The following NEMF variants were observed in gnomAD, a reference collection of about 807,000 sequenced individuals.
The protein encoded by NEMF is ribosome quality control complex subunit NEMF.
NEMF carries 89 observed loss-of-function variants against 162.2 expected under a neutral mutation model. The observed-to-expected ratio is 0.55, with a 90% CI of 0.46 to 0.65. The LOEUF (loss-of-function observed/expected upper bound fraction) is 0.65. Ranked by LOEUF, NEMF falls within the 30% of genes least tolerant of loss-of-function variation. The pLI, the probability that NEMF is intolerant of heterozygous loss-of-function variation, is 0.00. For missense variants in NEMF, 1,133 were observed against 1,261.9 expected (o/e 0.90, Z 1.55); for synonymous variants, 421 against 404.5 (o/e 1.04, Z -0.49).
chr14:49,801,655 GTAGTT>G, intron 22 of NEMF: 1 of 152,084 alleles, frequency 6.6e-6, no homozygotes, highest in East Asian at 1.9e-4. Context: ...AACTACAAAA[GTAGTT>G]TAGTGGGAAT....
At chr14:49,850,764 A>G (rs964780056) in intron 3 of NEMF, among the ~76,000 whole-genome samples, 6 of 152,070 alleles carry the variant, frequency 3.9e-5, no homozygotes, top group Non-Finnish European at 7.4e-5. Context: ...CACAAAAGTG[A>G]GCTCTGGAAG....
At chr14:49,785,168 G>C in intron 30 of NEMF, 33 bp from the exon 31 acceptor site, 2 of 1,597,610 alleles carry the variant, frequency 1.3e-6, no homozygotes, top group Non-Finnish European at 1.7e-6. Context: ...TTACTAAATA[G>C]ACGTTACAAA....
At chr14:49,845,575 ATACT>A (rs1365119762) in intron 4 of NEMF, among the ~76,000 whole-genome samples, 3 of 152,194 alleles carry the variant, frequency 2.0e-5, no homozygotes, top group Non-Finnish European at 4.4e-5. Flanking sequence ...CAGCTGTACA[ATACT>A]TTCTTTCTTT....
chr14:49,799,556 T>A (rs764314202), intron 24 of NEMF, 32 bp from the exon 25 acceptor site: 1 of 1,602,546 alleles, frequency 6.2e-7, no homozygotes, highest in Non-Finnish European at 8.5e-7. Context: ...CAAATGCAAA[T>A]ATCACTATTA....
At chr14:49,826,321 C>A (rs1892342203) in intron 15 of NEMF, among the ~76,000 whole-genome samples, 1 of 151,998 alleles carries the variant, frequency 6.6e-6, no homozygotes. Flanking sequence ...CCCACTCCCA[C>A]CCCACTAGGT....
At position 49,785,204 on chromosome 14, in the gene NEMF, A is replaced by T. The variant is rs1216086894; in HGVS notation, c.3029+16T>A. ...ACAATTCACAAAAGCCATTCTGTCA[A>T]CTAATGGTAACTTACTTGTAGTTTG... On this transcript the variant is annotated intron_variant, in intron 30 of 32. Transcript: ENST00000298310. 1 of 1,607,622 alleles carries T rather than the reference A, an allele frequency of 6.2e-7. No homozygotes were observed. The highest frequency in any genetic ancestry group is 2.2e-5 in the East Asian group (1 of 44,824).
intron 29 of NEMF, 92 bp downstream of exon 29, chr14:49,786,626 G>T: frequency 7.9e-7 from 1 of 1,269,088 alleles, no homozygotes; most frequent in Non-Finnish European, 1.1e-6. Context: ...CTTGTCTTAG[G>T]TTTCTAAGTT....
In NEMF at chr14:49,851,661, C is replaced by G. The variant is rs1893782600; in HGVS notation, c.133G>C (p.Asp45His). The change falls in exon 3 of 33, where the codon GAC (aspartate) becomes CAC (histidine). Residue 45 changes from aspartate to histidine, a missense_variant. Coordinates refer to ENST00000298310, the MANE Select transcript of NEMF (RefSeq NM_004713.6). ...TCAAGTAAAAGTGTAGCTTTAAAGT[C>G]CGGTCTGTAGAAGAAAAAAGTCGAA... ...KTYLIRLQKP[D>H]FKATLLLESG... The G allele has an allele frequency of 6.2e-7, 1 of 1,613,092 alleles. No homozygotes were observed. Among genetic ancestry groups the G allele is most frequent in the African/African-American group, 1.3e-5 (1 of 74,812 alleles).
At chr14:49,808,546 T>G (rs756711376) in intron 18 of NEMF, among the ~76,000 whole-genome samples, 5 of 152,154 alleles carry the variant, frequency 3.3e-5, no homozygotes, top group Non-Finnish European at 5.9e-5. Context: ...TGGTATCATA[T>G]CTAAGAAATT....
chr14:49,813,662 G>GGGGT (rs892212697), intron 18 of NEMF, among the ~76,000 whole-genome samples: 166 of 148,668 alleles, frequency 1.1e-3, no homozygotes, highest in African/African-American at 3.8e-3. Context: ...TTTTTTATTA[G>GGGGT]GTGTGTGTGT....
intron 19 of NEMF, among the ~76,000 whole-genome samples, chr14:49,804,124 C>T (rs1036587238): frequency 6.6e-6 from 1 of 151,500 alleles, no homozygotes; most frequent in Admixed American, 6.6e-5. Flanking sequence ...CCTGCCTCAG[C>T]CTCCCAGGTA....
chr14:49,828,853 CT>C (rs1566690633), intron 13 of NEMF, 46 bp from the exon 14 acceptor site: 1 of 1,428,744 alleles, frequency 7.0e-7, no homozygotes. Flanking sequence ...AATGACATCA[CT>C]TTTATTTTCA....
chr14:49,817,103 T>C (rs769296567), intron 16 of NEMF, among the ~76,000 whole-genome samples: 11 of 152,118 alleles, frequency 7.2e-5, no homozygotes, highest in Non-Finnish European at 1.5e-4. Flanking sequence ...ATGATATATA[T>C]GATGCTCCTT....
rs766335707 is a variant in NEMF, at chr14:49,782,351, G to A, written c.*2285C>T. On this transcript the variant is annotated 3_prime_UTR_variant, in exon 33 of 33. Transcript: ENST00000298310. ...TGGTGTTCTGGGTGGCTTCAAACTC[G>A]TTTTTGTTTTAAATGCAGGTTATGG... The A allele has an allele frequency of 1.6e-5, 26 of 1,585,770 alleles. No individual in the cohort carries two copies. Among genetic ancestry groups the A allele is most frequent in the East Asian group, 9.0e-5 (4 of 44,468 alleles).
Position 49,838,119 on chromosome 14 carries a change from C to T in NEMF, c.574+20G>A, listed in dbSNP as rs1050480718. 6.3e-6 allele frequency: 10 copies of T among 1,582,296 alleles called. No homozygotes were observed. In the African/African-American group the frequency reaches 1.1e-4, roughly 17 times the overall value. On this transcript the variant is annotated intron_variant, in intron 6 of 32. Transcript: ENST00000298310. ...ACACTGCCTTGCAAACATTTCACTGCTATTTGCAGGAATACTCACGAAGTA... is the reference window on the plus strand; with the variant it reads ...ACACTGCCTTGCAAACATTTCACTGTTATTTGCAGGAATACTCACGAAGTA...
chr14:49,850,134 G>A (rs1057077968), intron 3 of NEMF, among the ~76,000 whole-genome samples: 6 of 151,870 alleles, frequency 4.0e-5, no homozygotes, highest in Admixed American at 2.0e-4. Context: ...ATGGAGTCTC[G>A]CTCTGTCGCC....
intron 25 of NEMF, chr14:49,796,257 GTA>G: frequency 2.1e-6 from 1 of 485,402 alleles, no homozygotes; most frequent in Non-Finnish European, 4.1e-6. Context: ...ACTGGGATTT[GTA>G]GTCTTTGTAC....
At chr14:49,819,347 T>G (rs1891878985) in intron 16 of NEMF, among the ~76,000 whole-genome samples, 1 of 151,900 alleles carries the variant, frequency 6.6e-6, no homozygotes, top group South Asian at 2.1e-4. Context: ...GCTTGACTGT[T>G]TCATTTCATT....
intron 16 of NEMF, among the ~76,000 whole-genome samples, chr14:49,815,714 C>T (rs1415626559): frequency 6.6e-6 from 1 of 152,092 alleles, no homozygotes; most frequent in East Asian, 1.9e-4. Context: ...CCTGTAATCC[C>T]AGCACTTCGA....
Sources: allele counts gnomAD v4.1 joint callset (sites outside exome capture counted in the v4.1 genomes callset), GRCh38; gene constraint gnomAD v4.1.1; transcripts MANE v1.5; gene names NCBI Gene and HGNC (gene_info 2026-07-23, HGNC 2026-07-21).